The following LRP6 variants were observed in gnomAD, a reference collection of about 807,000 sequenced individuals.
LRP6 encodes LDL receptor related protein 6, also known as low-density lipoprotein receptor-related protein 6.
A neutral mutation model predicts 184.1 loss-of-function variants in LRP6; 43 were observed. The ratio of observed to expected loss-of-function variants is 0.23; its 90% CI spans 0.18 to 0.30. The LOEUF (loss-of-function observed/expected upper bound fraction) is 0.30. Ranked by LOEUF, LRP6 falls within the 10% of genes least tolerant of loss-of-function variation. The probability of loss-of-function intolerance (pLI) is 1.00; values close to 1 mark genes in which losing one functional copy is unlikely to be tolerated. For missense variants in LRP6, 1,571 were observed against 2,005.3 expected (o/e 0.78, Z 4.14); for synonymous variants, 719 against 684.9 (o/e 1.05, Z -0.78).
At chr12:12,144,306 A>C (rs1413451105) in intron 15 of LRP6, among the ~76,000 whole-genome samples, 1 of 152,216 alleles carries the variant, frequency 6.6e-6, no homozygotes, top group Non-Finnish European at 1.5e-5. Flanking sequence ...GCAGTGGGAC[A>C]AAATTAATTG....
intron 16 of LRP6, among the ~76,000 whole-genome samples, chr12:12,135,987 C>T (rs534351822): frequency 9.9e-5 from 15 of 151,990 alleles, no homozygotes; most frequent in Middle Eastern, 3.4e-3. Flanking sequence ...GAGTTCAAGA[C>T]CAGCCTGGGC....
intron 7 of LRP6, among the ~76,000 whole-genome samples, chr12:12,173,254 C>T (rs1863092013): frequency 6.6e-6 from 1 of 152,152 alleles, no homozygotes; most frequent in South Asian, 2.1e-4. Context: ...TGTCCTGAGG[C>T]CCCAAAAACC....
chr12:12,265,616 G>GT (rs2135953821), intron 1 of LRP6, among the ~76,000 whole-genome samples: 1 of 152,324 alleles, frequency 6.6e-6, no homozygotes, highest in South Asian at 2.1e-4. Context: ...ATGAACGCCA[G>GT]TAAGAACTTT....
chr12:12,164,954 AAGGC>A, intron 8 of LRP6, 121 bp downstream of exon 8: 3 of 559,898 alleles, frequency 5.4e-6, no homozygotes, highest in Non-Finnish European at 6.1e-6. Flanking sequence ...AAAAAAAAAA[AAGGC>A]GGGGGGGCAG....
chr12:12,148,969 C>A lies in LRP6; in HGVS notation c.3179G>T (p.Arg1060Leu). 1 of 1,613,580 alleles carries A rather than the reference C, an allele frequency of 6.2e-7. No individual in the cohort carries two copies. The highest frequency in any genetic ancestry group is 8.5e-7 in the Non-Finnish European group (1 of 1,179,838). Residue 1060 changes from arginine (R) to leucine (L), a missense_variant, in exon 14 of 23, where the codon CGA becomes CTA. Transcript: ENST00000261349. ...TTTCTCTGGGTTTACCACAACGGCTCGAGGTCTGTCCTGCTCGCCTTTCAG... is the reference window on the plus strand; with the variant it reads ...TTTCTCTGGGTTTACCACAACGGCTAGAGGTCTGTCCTGCTCGCCTTTCAG... ...VVLKGEQDRPRAVVVNPEKGY... is the reference protein window; with the variant it reads ...VVLKGEQDRPLAVVVNPEKGY...
chr12:12,148,041 TA>T (rs1211553117), intron 14 of LRP6, among the ~76,000 whole-genome samples: 1 of 149,956 alleles, frequency 6.7e-6, no homozygotes, highest in African/African-American at 2.4e-5. Context: ...AATCCTCTTT[TA>T]TATAAATAAA....
At chr12:12,164,657 A>G in intron 8 of LRP6, 95 bp from the exon 9 acceptor site, 1 of 1,191,288 alleles carries the variant, frequency 8.4e-7, no homozygotes. Context: ...TTTGGTTCAC[A>G]AATGCCTATG....
chr12:12,138,980 G>T (rs748725778), intron 15 of LRP6: 1 of 1,349,496 alleles, frequency 7.4e-7, no homozygotes, highest in Non-Finnish European at 9.9e-7. Context: ...TCACCCCAAG[G>T]TAAGAATTAT....
chr12:12,199,826 T>C (rs763012339), intron 3 of LRP6, among the ~76,000 whole-genome samples: 100 of 151,404 alleles, frequency 6.6e-4, no homozygotes, highest in Non-Finnish European at 1.2e-3. Flanking sequence ...TAGATGGGCG[T>C]GGTGGTGCGC....
chr12:12,130,705 A>C, intron 19 of LRP6, 78 bp downstream of exon 19: 1 of 820,962 alleles, frequency 1.2e-6, no homozygotes, highest in Non-Finnish European at 2.1e-6. Flanking sequence ...AAATCTCGAT[A>C]AGTAAACCTC....
chr12:12,144,508 G>A (rs899440732), intron 15 of LRP6, among the ~76,000 whole-genome samples: 1 of 152,176 alleles, frequency 6.6e-6, no homozygotes. Flanking sequence ...GGGTGTGGTG[G>A]TGTGTGCCCA....
At chr12:12,244,704 T>C in intron 1 of LRP6, 49 bp from the exon 2 acceptor site, 1 of 1,587,984 alleles carries the variant, frequency 6.3e-7, no homozygotes, top group Non-Finnish European at 8.6e-7. Context: ...GAAAACGTAT[T>C]GGTTCTTATA....
chr12:12,137,698 G>A (rs1036954565), intron 16 of LRP6, among the ~76,000 whole-genome samples: 1 of 151,886 alleles, frequency 6.6e-6, no homozygotes, highest in Non-Finnish European at 1.5e-5. Flanking sequence ...TATGTTATCA[G>A]TATTCCCAAA....
At chr12:12,183,404 C>T (rs1863391732) in intron 5 of LRP6, among the ~76,000 whole-genome samples, 1 of 152,288 alleles carries the variant, frequency 6.6e-6, no homozygotes, top group African/African-American at 2.4e-5. Context: ...TATACTTTCT[C>T]CAACGTGCCC....
intron 2 of LRP6, among the ~76,000 whole-genome samples, chr12:12,205,876 T>C (rs571470200): frequency 1.3e-5 from 2 of 152,258 alleles, no homozygotes; most frequent in East Asian, 3.9e-4. Context: ...ATGGACAAGA[T>C]TAATACAGGA....
intron 18 of LRP6, among the ~76,000 whole-genome samples, chr12:12,131,096 CATTTTTTTTTTTT>C (rs1403808259): frequency 2.4e-4 from 25 of 105,350 alleles, no homozygotes; most frequent in African/African-American, 7.8e-4. Flanking sequence ...AATTTCCTAA[CATTTTTTTTTTTT>C]TTTTTTTTTT....
chr12:12,149,093 G>C lies in LRP6; in HGVS notation c.3055C>G (p.Leu1019Val), dbSNP rs746658034. The change falls in exon 14 of 23, where the codon CTC (leucine) becomes GTC (valine). Residue 1019 changes from leucine to valine, a missense_variant. Around this residue, in one of 4 missense-constraint regions of LRP6, gnomAD observed 763 missense variants for 859.5 expected, o/e 0.89. Coordinates refer to ENST00000261349, the MANE Select transcript of LRP6 (RefSeq NM_002336.3). ...SQNLEIQPYDLSIDIYSRYIY... is the reference protein window; with the variant it reads ...SQNLEIQPYDVSIDIYSRYIY... ...TAGCGGCTGTAAATATCAATGCTGA[G>C]GTCATAGGGTTGTATTTCCAGGTTC... 8 of 1,614,010 alleles carry C rather than the reference G, an allele frequency of 5.0e-6. No homozygotes were observed. The highest frequency in any genetic ancestry group is 6.8e-6 in the Non-Finnish European group (8 of 1,179,994).
chr12:12,184,778 C>T (rs1863428506), intron 4 of LRP6, among the ~76,000 whole-genome samples: 1 of 151,762 alleles, frequency 6.6e-6, no homozygotes, highest in Non-Finnish European at 1.5e-5. Context: ...GGAAGATTAA[C>T]ATAGAAGGGA....
At chr12:12,192,844 T>C (rs1355840409) in intron 3 of LRP6, among the ~76,000 whole-genome samples, 1 of 151,884 alleles carries the variant, frequency 6.6e-6, no homozygotes, top group East Asian at 1.9e-4. Context: ...AGATAGAAAA[T>C]TACCAAGGAT....
Sources: allele counts gnomAD v4.1 joint callset (sites outside exome capture counted in the v4.1 genomes callset), GRCh38; gene constraint gnomAD v4.1.1; regional missense constraint gnomAD v4.1.1; transcripts MANE v1.5; gene names NCBI Gene and HGNC (gene_info 2026-07-23, HGNC 2026-07-21).